Variants in VAV1 observed in about 807,000 individuals in gnomAD.
The protein encoded by VAV1 is vav guanine nucleotide exchange factor 1.
A neutral mutation model predicts 128.1 loss-of-function variants in VAV1; 33 were observed. That is an observed-to-expected ratio of 0.26 (90% confidence interval 0.20 to 0.34). VAV1 has a LOEUF of 0.34. VAV1 is among the 10% of genes least tolerant of loss of function. The pLI is 1.00. For missense variants in VAV1, 715 were observed against 1,093.7 expected (o/e 0.65, Z 4.88); for synonymous variants, 394 against 409.8 (o/e 0.96, Z 0.47).
intron 1 of VAV1, among the ~76,000 whole-genome samples, chr19:6,800,291 C>T (rs1423182666): frequency 6.7e-6 from 1 of 149,858 alleles, no homozygotes; most frequent in Admixed American, 6.8e-5. Context: ...GCATGCTTCT[C>T]TTCTTTGCTT....
chr19:6,838,544 T>A (rs1465608139), intron 21 of VAV1, among the ~76,000 whole-genome samples: 1 of 152,134 alleles, frequency 6.6e-6, no homozygotes, highest in Non-Finnish European at 1.5e-5. Context: ...TATTCACCGA[T>A]CATCTCTCTG....
intron 21 of VAV1, 88 bp from the exon 22 acceptor site, chr19:6,843,047 G>GTGAA (rs1418171831): frequency 1.4e-5 from 19 of 1,381,976 alleles, no homozygotes; most frequent in East Asian, 9.1e-5. Flanking sequence ...AGTGGAATGA[G>GTGAA]TGAATGAATG....
At chr19:6,785,502 C>A (rs1213471482) in intron 1 of VAV1, among the ~76,000 whole-genome samples, 1 of 150,782 alleles carries the variant, frequency 6.6e-6, no homozygotes, top group African/African-American at 2.4e-5. Context: ...TGGCTAATTT[C>A]TGTATTTTTA....
chr19:6,774,315 G>C (rs990957927), intron 1 of VAV1, among the ~76,000 whole-genome samples: 8 of 150,332 alleles, frequency 5.3e-5, no homozygotes, highest in African/African-American at 2.0e-4. Context: ...TTTTAGTAGA[G>C]ACAGGGGTTT....
At chr19:6,838,112 T>TATC (rs1972268010) in intron 21 of VAV1, among the ~76,000 whole-genome samples, 1 of 151,188 alleles carries the variant, frequency 6.6e-6, no homozygotes, top group Admixed American at 6.6e-5. Context: ...TCTATCTATC[T>TATC]ATCTATCTAT....
intron 22 of VAV1, 111 bp from the exon 23 acceptor site, chr19:6,847,887 C>A (rs1972563334): frequency 2.0e-6 from 2 of 1,001,572 alleles, no homozygotes; most frequent in Non-Finnish European, 2.8e-6. Flanking sequence ...GCCAGGCTGT[C>A]ACCAACTTAA....
intron 15 of VAV1, 143 bp downstream of exon 15, chr19:6,832,343 C>T (rs999539866): frequency 1.2e-5 from 9 of 769,170 alleles, no homozygotes; most frequent in Admixed American, 1.0e-4. Flanking sequence ...ATAAGAGGGA[C>T]AGGCCCAAGG....
Position 6,847,982 on chromosome 19 carries a change from T to C in VAV1, c.2013-16T>C. ...ACGGGGACCGTGCCACCTCTGTCCT[T>C]GGTGTCTCTTTGCAGGTACGCAGGC... On this transcript the variant is annotated splice_polypyrimidine_tract_variant and intron_variant, in intron 22 of 26. Transcript: ENST00000602142. The C allele has an allele frequency of 2.0e-6, 3 of 1,489,476 alleles. No individual in the cohort carries two copies. In the South Asian group the frequency reaches 4.1e-5, roughly 20 times the overall value. The allele number at this position is 1,489,476 out of a possible 1,614,324, so 92.3% of individuals were successfully genotyped here.
chr19:6,804,130 C>G (rs1971333111), intron 1 of VAV1, among the ~76,000 whole-genome samples: 1 of 152,006 alleles, frequency 6.6e-6, no homozygotes, highest in African/African-American at 2.4e-5. Context: ...AAAATACTCT[C>G]TATGACACTA....
chr19:6,848,151 C>T, intron 23 of VAV1, 37 bp downstream of exon 23: 1 of 1,510,794 alleles, frequency 6.6e-7, no homozygotes, highest in Non-Finnish European at 8.8e-7. Context: ...CCTTTTGGGG[C>T]CTGGGCCCTG....
intron 1 of VAV1, among the ~76,000 whole-genome samples, chr19:6,817,370 T>C (rs1335384802): frequency 6.6e-6 from 1 of 151,962 alleles, no homozygotes; most frequent in Admixed American, 6.6e-5. Flanking sequence ...AGCCAAAAAA[T>C]GCAAATATTG....
intron 26 of VAV1, among the ~76,000 whole-genome samples, chr19:6,856,073 T>A (rs1296461805): frequency 1.3e-5 from 2 of 151,966 alleles, no homozygotes; most frequent in African/African-American, 4.8e-5. Flanking sequence ...GGTGGGTGGA[T>A]CAGTTGAGGA....
At chr19:6,792,277 G>A (rs948316132) in intron 1 of VAV1, among the ~76,000 whole-genome samples, 1 of 152,072 alleles carries the variant, frequency 6.6e-6, no homozygotes, top group Non-Finnish European at 1.5e-5. Context: ...CTGGGAGTTG[G>A]GAGTCATGGA....
rs781448453 is a variant in VAV1 at position 6,777,067 on chromosome 19, A to T, written c.204+4056A>T. On this transcript the variant is annotated intron_variant, in intron 1 of 26. Transcript: ENST00000602142. This position sits in a 1 kb window ranked among gnomAD's most constrained non-coding sequence, Gnocchi z 4.4. ...ATACGCCCGGCCCATCCATTCATCTATCTATCATCCACCTGCCCACCCACC... is the reference window on the plus strand; with the variant it reads ...ATACGCCCGGCCCATCCATTCATCTTTCTATCATCCACCTGCCCACCCACC... Among the ~76,000 whole-genome samples the T allele has an allele frequency of 6.7e-6, 1 of 149,204 alleles. No individual in the cohort carries two copies. The highest frequency in any genetic ancestry group is 1.5e-5 in the Non-Finnish European group (1 of 67,130).
chr19:6,825,480 A>G, intron 8 of VAV1, 74 bp downstream of exon 8: 1 of 1,261,530 alleles, frequency 7.9e-7, no homozygotes, highest in South Asian at 1.3e-5. Flanking sequence ...GAGAGACCTT[A>G]CCCTCAGACA....
intron 21 of VAV1, among the ~76,000 whole-genome samples, chr19:6,841,363 G>A (rs923404234): frequency 2.0e-5 from 3 of 152,066 alleles, no homozygotes; most frequent in African/African-American, 4.8e-5. Flanking sequence ...ATATCATTTC[G>A]AATCCATGCT....
chr19:6,821,727 C>A (rs201926382), intron 3 of VAV1, 47 bp downstream of exon 3: 2 of 1,613,906 alleles, frequency 1.2e-6, no homozygotes, highest in Non-Finnish European at 1.7e-6. Context: ...AGTCCTCCCC[C>A]TCCCTGAAGC....
In VAV1 at chr19:6,836,538, G is replaced by A. The variant is rs771559881; in HGVS notation, c.1884G>A (p.Thr628=). 19 of 1,613,950 alleles carry A rather than the reference G, an allele frequency of 1.2e-5. No homozygotes were observed. In the East Asian group the frequency reaches 1.3e-4, roughly 11 times the overall value. The change falls in exon 20 of 27, where the codon ACG becomes ACA. Residue 628 remains threonine, a synonymous_variant. Transcript: ENST00000602142. ...RLNPGDIVEL[T]KAEAEQNWWE... is the part of the protein sequence containing the mutation. ...ACCCTGGAGACATTGTGGAGCTCAC[G>A]AAGGCTGAGGCTGAACAGAACTGGT...
At chr19:6,786,656 G>A (rs1026647409) in intron 1 of VAV1, among the ~76,000 whole-genome samples, 1 of 151,786 alleles carries the variant, frequency 6.6e-6, no homozygotes, top group Non-Finnish European at 1.5e-5. Flanking sequence ...GATGGTGTGC[G>A]CCTATAGTCC....
Sources: allele counts gnomAD v4.1 joint callset (sites outside exome capture counted in the v4.1 genomes callset), GRCh38; gene constraint gnomAD v4.1.1; non-coding constraint Gnocchi (gnomAD v3.1); transcripts MANE v1.5; gene names NCBI Gene and HGNC (gene_info 2026-07-23, HGNC 2026-07-21).